Variants in UBE2E2 observed in about 807,000 individuals in gnomAD.
The protein encoded by UBE2E2 is ubiquitin-conjugating enzyme E2 E2.
In UBE2E2, 6 loss-of-function variants were observed where a neutral mutation model predicts 24.7. That is an observed-to-expected ratio of 0.24 (90% CI 0.13 to 0.48). UBE2E2 has a LOEUF of 0.48. Among genes scored for constraint, UBE2E2 ranks in the 20% least tolerant of loss-of-function variants. UBE2E2 has a pLI of 0.99. For synonymous variants in UBE2E2, 104 were observed against 83.6 expected (o/e 1.24, Z -1.33); for missense variants, 169 against 245.0 (o/e 0.69, Z 2.07).
intron 5 of UBE2E2, 87 bp downstream of exon 5, chr3:23,532,788 C>T (rs1479584774): frequency 8.6e-7 from 1 of 1,161,054 alleles, no homozygotes; most frequent in African/African-American, 1.5e-5. Context: ...CTGCTACTAC[C>T]ACTACCACCA....
intron 3 of UBE2E2, among the ~76,000 whole-genome samples, chr3:23,365,625 ATGGAAGAACAT>A (rs1696231263): frequency 6.6e-6 from 1 of 152,226 alleles, no homozygotes; most frequent in Non-Finnish European, 1.5e-5. Flanking sequence ...GGTGACACAA[ATGGAAGAACAT>A]TCCATGCCCA....
chr3:23,555,530 G>A, intron 5 of UBE2E2, among the ~76,000 whole-genome samples: 1 of 152,250 alleles, frequency 6.6e-6, no homozygotes, highest in Admixed American at 6.5e-5. Flanking sequence ...CAAAGGAAAT[G>A]AAATACCACC....
chr3:23,546,386 T>C (rs1450979596), intron 5 of UBE2E2, among the ~76,000 whole-genome samples: 1 of 151,760 alleles, frequency 6.6e-6, no homozygotes, highest in Non-Finnish European at 1.5e-5. Context: ...TACTCAGAAC[T>C]ATTTGCCCAA....
chr3:23,524,021 C>CA (rs1327652821), intron 4 of UBE2E2, among the ~76,000 whole-genome samples: 1 of 152,036 alleles, frequency 6.6e-6, no homozygotes, highest in Non-Finnish European at 1.5e-5. Flanking sequence ...TCACTGATTG[C>CA]AGATTTTCTC....
chr3:23,217,140 AG>A (rs1413801910), intron 2 of UBE2E2, 121 bp from the exon 3 acceptor site: 25 of 882,910 alleles, frequency 2.8e-5, no homozygotes, highest in Middle Eastern at 3.3e-4. Flanking sequence ...TTCTTTATAC[AG>A]TATTAGTATT....
intron 5 of UBE2E2, among the ~76,000 whole-genome samples, chr3:23,558,173 T>C (rs1294411400): frequency 1.3e-5 from 2 of 152,184 alleles, no homozygotes; most frequent in African/African-American, 4.8e-5. Context: ...CAAAACCCAG[T>C]TGTCTAAATA....
At chr3:23,230,346 A>G (rs903631841) in intron 3 of UBE2E2, among the ~76,000 whole-genome samples, 1 of 152,194 alleles carries the variant, frequency 6.6e-6, no homozygotes, top group Non-Finnish European at 1.5e-5. Flanking sequence ...TTAAAAGCAA[A>G]ACCAGGACTA....
At chr3:23,226,628 G>A (rs1277879613) in intron 3 of UBE2E2, among the ~76,000 whole-genome samples, 2 of 152,144 alleles carry the variant, frequency 1.3e-5, no homozygotes, top group Admixed American at 6.6e-5. Context: ...ATGGCTTTAC[G>A]TAAGAGAATG....
intron 5 of UBE2E2, among the ~76,000 whole-genome samples, chr3:23,574,675 C>T (rs1696305767): frequency 6.6e-6 from 1 of 152,070 alleles, no homozygotes. Context: ...TATAATCATG[C>T]CTGTGATTAG....
chr3:23,498,712 G>A (rs191107757), intron 3 of UBE2E2, among the ~76,000 whole-genome samples: 306 of 152,242 alleles, frequency 2.0e-3, no homozygotes, highest in Non-Finnish European at 3.6e-3. Context: ...GGCCAGGTGT[G>A]GTCCAGTGAT....
At chr3:23,403,491 C>T (rs2125373714) in intron 3 of UBE2E2, among the ~76,000 whole-genome samples, 1 of 152,266 alleles carries the variant, frequency 6.6e-6, no homozygotes, top group African/African-American at 2.4e-5. Context: ...ACTCTGTCAT[C>T]AGTGTTTTAA....
At chr3:23,582,139 A>G (rs1337940554) in intron 5 of UBE2E2, among the ~76,000 whole-genome samples, 4 of 152,138 alleles carry the variant, frequency 2.6e-5, no homozygotes, top group African/African-American at 4.8e-5. Flanking sequence ...CCCACTTATA[A>G]GTGAGAACAT....
chr3:23,344,212 T>C (rs1260404844), intron 3 of UBE2E2, among the ~76,000 whole-genome samples: 1 of 152,180 alleles, frequency 6.6e-6, no homozygotes, highest in Non-Finnish European at 1.5e-5. Context: ...ATGAGTACTT[T>C]GATTTATCTG....
intron 5 of UBE2E2, among the ~76,000 whole-genome samples, chr3:23,580,803 C>A (rs1696459074): frequency 6.6e-6 from 1 of 152,126 alleles, no homozygotes; most frequent in Non-Finnish European, 1.5e-5. Context: ...GGCAGAGGAA[C>A]CAACATAAGC....
chr3:23,562,328 A>G (rs1304903180), intron 5 of UBE2E2, among the ~76,000 whole-genome samples: 1 of 152,066 alleles, frequency 6.6e-6, no homozygotes, highest in Non-Finnish European at 1.5e-5. Flanking sequence ...TGAGATAATC[A>G]TGTGGTTTTT....
chr3:23,237,816 T>C (rs9841308), intron 3 of UBE2E2, among the ~76,000 whole-genome samples: 51,272 of 151,970 alleles, frequency 0.34, 8,897 homozygotes, highest in South Asian at 0.4. Context: ...AAGGCCTTAC[T>C]TAAACCAAAA....
chr3:23,394,802 CAGA>C (rs1300225684), intron 3 of UBE2E2, among the ~76,000 whole-genome samples: 2 of 152,200 alleles, frequency 1.3e-5, no homozygotes, highest in Non-Finnish European at 2.9e-5. Context: ...GAACAGCACT[CAGA>C]AGGTGTTCTA....
chr3:23,333,172 TG>T (rs1036777162), intron 3 of UBE2E2, among the ~76,000 whole-genome samples: 7 of 150,678 alleles, frequency 4.6e-5, no homozygotes, highest in African/African-American at 1.7e-4. Flanking sequence ...TTTCAAACTG[TG>T]TTCCAGGGGA....
chr3:23,303,716 C>T (rs1212694084), intron 3 of UBE2E2, among the ~76,000 whole-genome samples: 1 of 152,022 alleles, frequency 6.6e-6, no homozygotes, highest in Non-Finnish European at 1.5e-5. Flanking sequence ...TTCCATACAG[C>T]GTACTTGGAA....
Sources: gnomAD v4.1 joint callset for allele counts (sites outside exome capture counted in the v4.1 genomes callset) on GRCh38, gnomAD v4.1.1 for gene constraint, MANE v1.5 for transcripts, NCBI Gene and HGNC (gene_info 2026-07-23, HGNC 2026-07-21) for gene names.